The following TSHZ2 variants were observed in gnomAD, a reference collection of about 807,000 sequenced individuals.
The protein encoded by TSHZ2 is teashirt zinc finger homeobox 2, also known as teashirt homolog 2.
A neutral mutation model predicts 74.4 loss-of-function variants in TSHZ2; 21 were observed. That is an observed-to-expected ratio of 0.28 (90% CI 0.20 to 0.41). The LOEUF (loss-of-function observed/expected upper bound fraction) is 0.41, where lower values mean the gene tolerates loss of function less well. Ranked by LOEUF, TSHZ2 falls within the 10% of genes least tolerant of loss-of-function variation. TSHZ2 has a pLI of 1.00. For missense variants in TSHZ2, 1,244 were observed against 1,293.5 expected (o/e 0.96, Z 0.59); for synonymous variants, 540 against 515.3 (o/e 1.05, Z -0.65).
At chr20:53,331,504 G>C (rs1346268310) in intron 2 of TSHZ2, among the ~76,000 whole-genome samples, 2 of 152,094 alleles carry the variant, frequency 1.3e-5, no homozygotes, top group Admixed American at 1.3e-4. Context: ...GACCTCTGAG[G>C]GGAGAGGGGA....
intron 1 of TSHZ2, among the ~76,000 whole-genome samples, chr20:53,013,171 G>T (rs1305612428): frequency 6.6e-6 from 1 of 152,162 alleles, no homozygotes; most frequent in African/African-American, 2.4e-5. Context: ...CAGCAAAAAT[G>T]TTGGGTGATC....
chr20:53,272,548 A>G (rs146759474), intron 2 of TSHZ2, among the ~76,000 whole-genome samples: 127 of 152,332 alleles, frequency 8.3e-4, no homozygotes, highest in Non-Finnish European at 1.3e-3. Flanking sequence ...GCGAAATGAC[A>G]ATAATACTTA....
rs1600623058 is a variant in TSHZ2, at chr20:52,972,885, CCCTTCCAT to C, written c.-406_-399del. ...CCTGTGGCGCGTGTGCGCCCCTCGT[CCCTTCCAT>C]CCGAACCCGGGCTTGGATGTTTAAT... On this transcript the variant is annotated 5_prime_UTR_variant, in exon 1 of 3. Coordinates refer to ENST00000371497, the MANE Select transcript of TSHZ2 (RefSeq NM_173485.6). 4.1e-6 allele frequency: 1 copy of C among 241,744 alleles called. No homozygotes were observed. The highest frequency in any genetic ancestry group is 7.8e-6 in the Non-Finnish European group (1 of 128,194). 15.0% of individuals were successfully genotyped at this position (241,744 alleles called of 1,614,324 possible).
At chr20:53,137,105 C>A (rs1405605974) in intron 1 of TSHZ2, among the ~76,000 whole-genome samples, 1 of 152,090 alleles carries the variant, frequency 6.6e-6, no homozygotes, top group Non-Finnish European at 1.5e-5. Flanking sequence ...ATGCAATCAA[C>A]CAGTTACCTA....
In TSHZ2 at chr20:53,256,430, A is replaced by G; in HGVS notation, c.2972A>G (p.Asp991Gly). Residue 991 changes from aspartate to glycine, a missense_variant, in exon 2 of 3, where the codon GAC becomes GGC. Asp to Gly is a moderately conservative substitution (Grantham distance 94). This residue lies in a region of TSHZ2 where 185 missense variants were observed against 213.3 expected (regional missense o/e 0.87). Coordinates refer to ENST00000371497, the MANE Select transcript of TSHZ2 (RefSeq NM_173485.6). The surrounding 1 kb of genome is among the most constrained non-coding windows in gnomAD (Gnocchi z 4.3). ...ACAATAGCTGCCGAAGAGGACACAG[A>G]CTCTAAATTCAAGTGTAAGTTGTGC... is the stretch of plus-strand genomic sequence containing the variant. Reference protein sequence around the residue: ...PETIAAEEDTDSKFKCKLCCR... With the variant: ...PETIAAEEDTGSKFKCKLCCR... The G allele has an allele frequency of 3.1e-6, 5 of 1,614,062 alleles. No individual in the cohort carries two copies. The highest frequency in any genetic ancestry group is 4.2e-6 in the Non-Finnish European group (5 of 1,179,958).
At chr20:53,364,944 G>A (rs1600831955) in intron 2 of TSHZ2, among the ~76,000 whole-genome samples, 1 of 152,232 alleles carries the variant, frequency 6.6e-6, no homozygotes, top group African/African-American at 2.4e-5. Flanking sequence ...TTTTAGAAAC[G>A]AGATGCTCCT....
In TSHZ2 at chr20:53,170,855, T is replaced by C. The variant is rs553063566; in HGVS notation, c.41-82644T>C. 1.1e-4 allele frequency among the ~76,000 whole-genome samples: 17 copies of C among 152,126 alleles called. No individual in the cohort carries two copies. The East Asian group carries it at 3.3e-3, about 29-fold the overall frequency. The stretch of plus-strand genomic sequence containing the variant: ...TCTAGCCTTGCCCAAGACACACGTC[T>C]CTGGCTCTCCCTCCTCCAGTCCCAA... On this transcript the variant is annotated intron_variant, in intron 1 of 2. Transcript: ENST00000371497.
intron 1 of TSHZ2, among the ~76,000 whole-genome samples, chr20:53,108,298 G>C (rs1417098130): frequency 3.9e-5 from 6 of 152,236 alleles, no homozygotes; most frequent in African/African-American, 7.2e-5. Context: ...AGGGGAGTAA[G>C]ACAGAATTAT....
chr20:53,435,016 G>C (rs577371317), intron 2 of TSHZ2, among the ~76,000 whole-genome samples: 14 of 152,268 alleles, frequency 9.2e-5, no homozygotes, highest in African/African-American at 3.4e-4. Context: ...GAATATAAAA[G>C]AGAGAAAACA....
chr20:53,001,211 T>TGCGTTCATGTGC (rs1982404264), intron 1 of TSHZ2, among the ~76,000 whole-genome samples: 1 of 120,562 alleles, frequency 8.3e-6, no homozygotes, highest in African/African-American at 3.8e-5. Flanking sequence ...TGTGCGTGTG[T>TGCGTTCATGTGC]GTGTGTGTGT....
At chr20:53,116,519 C>T (rs1439016080) in intron 1 of TSHZ2, among the ~76,000 whole-genome samples, 3 of 152,198 alleles carry the variant, frequency 2.0e-5, no homozygotes, top group African/African-American at 7.2e-5. Context: ...GGCTGGTACA[C>T]AAGCCATTTG....
intron 1 of TSHZ2, among the ~76,000 whole-genome samples, chr20:53,237,664 C>G (rs889303615): frequency 2.0e-5 from 3 of 152,080 alleles, no homozygotes; most frequent in Non-Finnish European, 2.9e-5. Context: ...TCAGCGGTAG[C>G]GAGGCTGCAT....
rs188484564 is a variant in TSHZ2 at position 53,369,757 on chromosome 20, A to T, written c.*8+113186A>T. Among the ~76,000 whole-genome samples, 7 of 152,212 alleles carry T rather than the reference A, an allele frequency of 4.6e-5. No homozygotes were observed. In the East Asian group the frequency reaches 1.4e-3, roughly 29 times the overall value. On this transcript the variant is annotated intron_variant, in intron 2 of 2. Coordinates refer to ENST00000371497, the MANE Select transcript of TSHZ2 (RefSeq NM_173485.6). ...GAGGAAAAAACGACCTCATGTATTCAAATATGACAAGGAGGCCAGTGTGCA... is the reference window on the plus strand; with the variant it reads ...GAGGAAAAAACGACCTCATGTATTCTAATATGACAAGGAGGCCAGTGTGCA...
At chr20:53,019,939 A>G (rs1600649419) in intron 1 of TSHZ2, among the ~76,000 whole-genome samples, 1 of 152,228 alleles carries the variant, frequency 6.6e-6, no homozygotes, top group South Asian at 2.1e-4. Flanking sequence ...GGTTTAATTG[A>G]CTCACAGTTC....
intron 2 of TSHZ2, among the ~76,000 whole-genome samples, chr20:53,481,307 C>T (rs1300780014): frequency 6.6e-6 from 1 of 152,284 alleles, no homozygotes; most frequent in East Asian, 1.9e-4. Context: ...CACGGTGCCT[C>T]ATGCCTGTAA....
chr20:53,470,711 G>A lies in TSHZ2; in HGVS notation c.*9-16433G>A, dbSNP rs1198127036. ...CACCTGTAACCCCAGCCACTCAGAAGGCTAAGACAGAGAATCGCTTGAACC... is the reference window on the plus strand; with the variant it reads ...CACCTGTAACCCCAGCCACTCAGAAAGCTAAGACAGAGAATCGCTTGAACC... On this transcript the variant is annotated intron_variant, in intron 2 of 2. Transcript: ENST00000371497. 2.0e-5 allele frequency among the ~76,000 whole-genome samples: 3 copies of A among 152,212 alleles called. 1 individual carries two copies. In the East Asian group the frequency reaches 5.8e-4, roughly 29 times the overall value.
chr20:53,098,627 C>A (rs1466790325), intron 1 of TSHZ2, among the ~76,000 whole-genome samples: 1 of 152,192 alleles, frequency 6.6e-6, no homozygotes, highest in Non-Finnish European at 1.5e-5. Context: ...AAAAAATGAA[C>A]TGTCTCCAAT....
At position 53,255,397 on chromosome 20, in the gene TSHZ2, G is replaced by A. The variant is rs149845942; in HGVS notation, c.1939G>A (p.Glu647Lys). The change falls in exon 2 of 3, where the codon GAG becomes AAG. Residue 647 changes from glutamate to lysine, a missense_variant. By Grantham distance (56) the Glu-to-Lys change is moderately conservative. Coordinates refer to ENST00000371497, the MANE Select transcript of TSHZ2 (RefSeq NM_173485.6). This position sits in a 1 kb window ranked among gnomAD's most constrained non-coding sequence, Gnocchi z 4.1. Reference sequence around the variant, plus strand: ...AACACCTCCAGAAGCCAAAAAGACCGAGCTGGGTCCCCTGAAGGAGGAGGA... The same window carrying A: ...AACACCTCCAGAAGCCAAAAAGACCAAGCTGGGTCCCCTGAAGGAGGAGGA... ...SETPPEAKKT[E>K]LGPLKEEEKL... 505 of 1,613,808 alleles carry A rather than the reference G, an allele frequency of 3.1e-4. 3 individuals carry two copies. The highest frequency in any genetic ancestry group is 3.0e-3 in the South Asian group (271 of 91,080).
At chr20:53,438,789 C>T (rs943659278) in intron 2 of TSHZ2, among the ~76,000 whole-genome samples, 5 of 152,074 alleles carry the variant, frequency 3.3e-5, no homozygotes, top group Admixed American at 6.5e-5. Context: ...GATGAAACCC[C>T]GTCTCTACAA....
Sources: allele counts gnomAD v4.1 joint callset (sites outside exome capture counted in the v4.1 genomes callset), GRCh38; gene constraint gnomAD v4.1.1; regional missense constraint gnomAD v4.1.1; non-coding constraint Gnocchi (gnomAD v3.1); transcripts MANE v1.5; gene names NCBI Gene and HGNC (gene_info 2026-07-23, HGNC 2026-07-21).